The following CDC23 variants were observed in gnomAD, a reference collection of about 807,000 sequenced individuals.
The protein encoded by CDC23 is cell division cycle 23, also known as cell division cycle protein 23 homolog.
A neutral mutation model predicts 81.7 loss-of-function variants in CDC23; 26 were observed. That is an observed-to-expected ratio of 0.32 (90% confidence interval 0.23 to 0.44). The LOEUF is 0.44. Among genes scored for constraint, CDC23 ranks in the 20% least tolerant of loss-of-function variants. The pLI is 1.00. For missense variants in CDC23, 519 were observed against 728.0 expected, an observed-to-expected ratio of 0.71 and a Z score of 3.30; for synonymous variants, 267 against 270.8, an observed-to-expected ratio of 0.99 and a Z score of 0.14.
At position 138,189,713 on chromosome 5, in the gene CDC23, A is replaced by G; in HGVS notation, c.1543T>C (p.Tyr515His). 6.2e-7 allele frequency: 1 copy of G among 1,614,058 alleles called. No individual in the cohort carries two copies. The highest frequency in any genetic ancestry group is 8.5e-7 in the Non-Finnish European group (1 of 1,179,932). ...EHLEESTAFR[Y>H]LAQYYFKCKL... ...CACTTAAAATAGTACTGGGCCAGAT[A>G]GCGAAAGGCAGTGCTTTCCTCCAAG... is the stretch of plus-strand genomic sequence containing the variant. The change falls in exon 15 of 16, where the codon TAT (tyrosine) becomes CAT (histidine). Residue 515 changes from tyrosine to histidine, a missense_variant. Transcript: ENST00000394886.
In CDC23 at chr5:138,198,724, T is replaced by A. The variant is rs1395014261; in HGVS notation, c.713A>T (p.Tyr238Phe). Residue 238 changes from tyrosine (Y) to phenylalanine (F), a missense_variant, in exon 7 of 16, where the codon TAC becomes TTC. This residue lies in a region of CDC23 where 180 missense variants were observed against 239.3 expected (regional missense o/e 0.75). Coordinates refer to ENST00000394886, the MANE Select transcript of CDC23 (RefSeq NM_004661.4). ...CTCCTCTATCAACTGCAACTCTGTG[T>A]ATATATGAGCCAGAAAAAACTCTTT... The part of the protein sequence containing the change: ...WMKEFFLAHI[Y>F]TELQLIEEAL... 3 of 1,614,036 alleles carry A rather than the reference T, an allele frequency of 1.9e-6. No individual in the cohort carries two copies. The highest frequency in any genetic ancestry group is 2.7e-5 in the African/African-American group (2 of 74,930).
In CDC23 at chr5:138,189,654, T is replaced by C. The variant is rs2231479; in HGVS notation, c.1602A>G (p.Gln534=). 4.5e-3 allele frequency: 7,203 copies of C among 1,613,868 alleles called. 25 individuals carry two copies. Among genetic ancestry groups the C allele is most frequent in the Non-Finnish European group, 4.9e-3 (5,776 of 1,179,822 alleles). ...KLWDEASTCA[Q]KCCAFNDTRE... is the part of the protein sequence containing the mutation. Reference sequence around the variant, plus strand: ...TCACATCATTAAATGCACAACACTTTTGTGCACAAGTTGAAGCTTCATCCC... The same window carrying C: ...TCACATCATTAAATGCACAACACTTCTGTGCACAAGTTGAAGCTTCATCCC... The change falls in exon 15 of 16, where the codon CAA becomes CAG. Residue 534 remains glutamine (Q), a synonymous_variant. Transcript: ENST00000394886.
intron 13 of CDC23, among the ~76,000 whole-genome samples, chr5:138,190,740 CA>C (rs1349871392): frequency 4.1e-5 from 6 of 145,538 alleles, no homozygotes; most frequent in Non-Finnish European, 7.6e-5. Context: ...GACTCCGTCT[CA>C]AAAAAAAAAG....
chr5:138,188,967 A>T lies in CDC23; in HGVS notation c.*11T>A. On this transcript the variant is annotated 3_prime_UTR_variant, in exon 16 of 16. Coordinates refer to ENST00000394886, the MANE Select transcript of CDC23 (RefSeq NM_004661.4). ...ATGGGTCTAACAATGTGCTGGCTTG[A>T]GAGTAGCCAACTATGGCGTGACAGA... is the stretch of plus-strand genomic sequence containing the variant. 2 of 1,612,886 alleles carry T rather than the reference A, an allele frequency of 1.2e-6. No individual in the cohort carries two copies. Among genetic ancestry groups the T allele is most frequent in the Non-Finnish European group, 8.5e-7 (1 of 1,179,186 alleles).
rs150241421 is a variant in CDC23 at position 138,207,796 on chromosome 5, A to C, written c.235-1112T>G. On this transcript the variant is annotated intron_variant, in intron 2 of 15. Coordinates refer to ENST00000394886, the MANE Select transcript of CDC23 (RefSeq NM_004661.4). Reference sequence around the variant, plus strand: ...CGTGGCAAGACCCTGCCTCTACTAAAAATACAAAAAAATAGTTGGGCATGG... The same window carrying C: ...CGTGGCAAGACCCTGCCTCTACTAACAATACAAAAAAATAGTTGGGCATGG... Among the ~76,000 whole-genome samples the C allele has an allele frequency of 3.7e-3, 558 of 152,174 alleles. 3 individuals are homozygous for C. Among genetic ancestry groups the C allele is most frequent in the African/African-American group, 0.013 (531 of 41,510 alleles).
Position 138,191,361 on chromosome 5 carries a change from A to T in CDC23, c.1424+113T>A, listed in dbSNP as rs552858260. ...AACCAGCATTCACACACCCTGCTACATCCCTACACCTATGTAGAATGATGG... is the reference window on the plus strand; with the variant it reads ...AACCAGCATTCACACACCCTGCTACTTCCCTACACCTATGTAGAATGATGG... On this transcript the variant is annotated intron_variant, in intron 13 of 15. Coordinates refer to ENST00000394886, the MANE Select transcript of CDC23 (RefSeq NM_004661.4). 7 of 903,178 alleles carry T rather than the reference A, an allele frequency of 7.8e-6. No homozygotes were observed. The East Asian group carries it at 1.7e-4, about 22-fold the overall frequency. The allele number at this position is 903,178 out of a possible 1,614,324, so 55.9% of individuals were successfully genotyped here.
At chr5:138,191,348 C>T in intron 13 of CDC23, 126 bp downstream of exon 13, 1 of 854,952 alleles carries the variant, frequency 1.2e-6, no homozygotes. Flanking sequence ...CCAGCATTCA[C>T]ACACCCTGCT....
At chr5:138,199,671 T>C (rs546027759) in intron 6 of CDC23, among the ~76,000 whole-genome samples, 9 of 152,260 alleles carry the variant, frequency 5.9e-5, no homozygotes, top group African/African-American at 2.2e-4. Flanking sequence ...GACACAAGTA[T>C]GACTCTAATG....
chr5:138,192,607 G>A lies in CDC23; in HGVS notation c.1063C>T (p.Gln355Ter). 2 of 1,614,004 alleles carry A rather than the reference G, an allele frequency of 1.2e-6. No homozygotes were observed. The highest frequency in any genetic ancestry group is 1.7e-6 in the Non-Finnish European group (2 of 1,179,934). ...CGAGGATTTAATTTCAGGGCTCTCT[G>A]GAAATATAAGGCTGCTTTCTCATGC... The part of the protein sequence containing the change: ...SQHEKAALYF[Q>*]RALKLNPRYL... The change falls in exon 10 of 16, where the codon CAG (glutamine) becomes TAG (stop). Residue 355 changes from glutamine (Q) to a stop codon, truncating the protein, a stop_gained. Coordinates refer to ENST00000394886, the MANE Select transcript of CDC23 (RefSeq NM_004661.4). LOFTEE classifies it high-confidence loss of function.
chr5:138,209,690 T>C (rs1755092226), intron 2 of CDC23, among the ~76,000 whole-genome samples: 2 of 149,786 alleles, frequency 1.3e-5, no homozygotes, highest in South Asian at 4.2e-4. Context: ...CCAGGCGTGG[T>C]GGCACATTCG....
chr5:138,207,161 T>G (rs1369335539), intron 2 of CDC23, among the ~76,000 whole-genome samples: 2 of 152,210 alleles, frequency 1.3e-5, no homozygotes, highest in African/African-American at 2.4e-5. Flanking sequence ...ATTACAGGTA[T>G]GAGCGACCGC....
chr5:138,206,866 G>A (rs1455449267), intron 2 of CDC23, among the ~76,000 whole-genome samples, 182 bp from the exon 3 acceptor site: 2 of 149,378 alleles, frequency 1.3e-5, no homozygotes, highest in East Asian at 3.9e-4. Context: ...TACCAAGTAA[G>A]CCCATAGAAC....
chr5:138,191,834 A>T, intron 12 of CDC23, 28 bp downstream of exon 12: 1 of 1,579,364 alleles, frequency 6.3e-7, no homozygotes, highest in South Asian at 1.1e-5. Context: ...ATTTCCACTC[A>T]AATTCTTCAG....
chr5:138,203,728 G>A (rs1290814527), intron 3 of CDC23, among the ~76,000 whole-genome samples: 3 of 151,652 alleles, frequency 2.0e-5, no homozygotes, highest in Non-Finnish European at 4.4e-5. Flanking sequence ...CCTGGTCAAC[G>A]TGGCGAAACC....
chr5:138,211,149 G>A (rs1342268069), intron 2 of CDC23, among the ~76,000 whole-genome samples: 1 of 152,148 alleles, frequency 6.6e-6, no homozygotes, highest in Non-Finnish European at 1.5e-5. Context: ...TAAAGAAAAT[G>A]TGGTACATAT....
At chr5:138,198,918 C>T (rs1202879373) in intron 6 of CDC23, 136 bp from the exon 7 acceptor site, 2 of 827,290 alleles carry the variant, frequency 2.4e-6, no homozygotes, top group South Asian at 1.8e-5. Flanking sequence ...GAAAACAGGA[C>T]AGTCCAATTA....
At chr5:138,189,567 T>C in intron 15 of CDC23, 66 bp downstream of exon 15, 1 of 1,531,406 alleles carries the variant, frequency 6.5e-7, no homozygotes, top group Non-Finnish European at 8.9e-7. Context: ...CAAGGTAGGC[T>C]TTCCACTTAA....
At chr5:138,209,773 G>A (rs762585139) in intron 2 of CDC23, among the ~76,000 whole-genome samples, 4 of 151,096 alleles carry the variant, frequency 2.6e-5, no homozygotes, top group Non-Finnish European at 1.5e-5. Context: ...GCAGTGAGCC[G>A]ATATTGGGCC....
At chr5:138,199,361 G>A (rs1215189195) in intron 6 of CDC23, among the ~76,000 whole-genome samples, 2 of 152,168 alleles carry the variant, frequency 1.3e-5, no homozygotes, top group Non-Finnish European at 2.9e-5. Flanking sequence ...ACTTTGGGAG[G>A]CTATGGGAAA....
Sources: gnomAD v4.1 joint callset for allele counts (sites outside exome capture counted in the v4.1 genomes callset) on GRCh38, gnomAD v4.1.1 for gene constraint, gnomAD v4.1.1 regional missense constraint, MANE v1.5 for transcripts, NCBI Gene and HGNC (gene_info 2026-07-23, HGNC 2026-07-21) for gene names.